Variants in AKAP10 observed in about 807,000 individuals in gnomAD.
The protein encoded by AKAP10 is A-kinase anchoring protein 10.
A neutral mutation model predicts 80.8 loss-of-function variants in AKAP10; 24 were observed. The observed-to-expected ratio is 0.30, with a 90% CI of 0.22 to 0.42. The LOEUF (loss-of-function observed/expected upper bound fraction) is 0.42. Ranked by LOEUF, AKAP10 falls within the 10% of genes least tolerant of loss-of-function variation. AKAP10 has a pLI of 1.00. For missense variants in AKAP10, 661 were observed against 794.9 expected (o/e 0.83, Z 2.03); for synonymous variants, 291 against 277.7 (o/e 1.05, Z -0.48).
intron 1 of AKAP10, among the ~76,000 whole-genome samples, chr17:19,973,268 A>G (rs1275933014): frequency 2.0e-5 from 3 of 152,162 alleles, no homozygotes; most frequent in African/African-American, 7.2e-5. Context: ...AAACTGGCCC[A>G]CTACCAGTTT....
In AKAP10 at chr17:19,940,878, A is replaced by G. The variant is rs2043044652; in HGVS notation, c.1185+9T>C. 1.3e-6 allele frequency: 2 copies of G among 1,589,778 alleles called. No individual in the cohort carries two copies. Among genetic ancestry groups the G allele is most frequent in the Non-Finnish European group, 1.7e-6 (2 of 1,172,356 alleles). On this transcript the variant is annotated intron_variant, in intron 7 of 14. Coordinates refer to ENST00000225737, the MANE Select transcript of AKAP10 (RefSeq NM_007202.4). ...TCGAATAGAGTGTGAAAAGAAATGC[A>G]GACTTTACCTCAGAGAAATAAAAGA...
chr17:19,933,814 A>G (rs1415080292), intron 9 of AKAP10, among the ~76,000 whole-genome samples: 7 of 152,198 alleles, frequency 4.6e-5, no homozygotes, highest in African/African-American at 1.4e-4. Flanking sequence ...CACATGACAC[A>G]TACAAGCAAC....
intron 4 of AKAP10, among the ~76,000 whole-genome samples, chr17:19,950,520 G>C (rs543291206): frequency 2.6e-4 from 40 of 152,330 alleles, no homozygotes; most frequent in African/African-American, 8.4e-4. Context: ...TGTGTTGGCC[G>C]GGCTGGTCTC....
intron 1 of AKAP10, among the ~76,000 whole-genome samples, chr17:19,974,227 T>A (rs2043536223): frequency 2.0e-5 from 3 of 151,988 alleles, no homozygotes. Flanking sequence ...AAATACTACT[T>A]CTTGAGAAAA....
intron 4 of AKAP10, among the ~76,000 whole-genome samples, chr17:19,957,413 G>C (rs908427207): frequency 1.3e-5 from 2 of 151,912 alleles, no homozygotes; most frequent in African/African-American, 4.8e-5. Flanking sequence ...GTGGTGGCAG[G>C]CGCCTGTAGT....
intron 10 of AKAP10, among the ~76,000 whole-genome samples, chr17:19,925,225 C>T (rs185591269): frequency 7.4e-4 from 113 of 152,144 alleles, no homozygotes; most frequent in African/African-American, 2.6e-3. Flanking sequence ...ACATTCTTAA[C>T]GACCTAAGTT....
intron 4 of AKAP10, among the ~76,000 whole-genome samples, chr17:19,951,442 T>C (rs1199900311): frequency 6.6e-6 from 1 of 152,242 alleles, no homozygotes; most frequent in Non-Finnish European, 1.5e-5. Context: ...ATGGCAGTTT[T>C]GTCGAATAGA....
At chr17:19,950,648 T>C (rs2043190971) in intron 4 of AKAP10, among the ~76,000 whole-genome samples, 1 of 152,230 alleles carries the variant, frequency 6.6e-6, no homozygotes, top group Non-Finnish European at 1.5e-5. Flanking sequence ...TGGCGTGATC[T>C]CAGCTCCCTA....
Position 19,958,382 on chromosome 17 carries a change from C to G in AKAP10, c.509G>C (p.Arg170Thr). ...CTTCACTGTGTTTAGACTGTGTGCT[C>G]TTATTCGCGACCAAGTTGTTGAATG... ...SFHSTTWSRI[R>T]AHSLNTVKQS... Residue 170 changes from arginine to threonine, a missense_variant, in exon 4 of 15, where the codon AGA becomes ACA. Arg to Thr is a moderately conservative substitution (Grantham distance 71, BLOSUM62 -1). Coordinates refer to ENST00000225737, the MANE Select transcript of AKAP10 (RefSeq NM_007202.4). 1 of 1,614,212 alleles carries G rather than the reference C, an allele frequency of 6.2e-7. No individual in the cohort carries two copies. The highest frequency in any genetic ancestry group is 8.5e-7 in the Non-Finnish European group (1 of 1,180,046).
At chr17:19,931,466 T>C (rs1004634373) in intron 10 of AKAP10, among the ~76,000 whole-genome samples, 2 of 151,332 alleles carry the variant, frequency 1.3e-5, no homozygotes, top group African/African-American at 4.9e-5. Flanking sequence ...TTTTGGTTCA[T>C]TGCAACCTCT....
Position 19,905,354 on chromosome 17 carries a change from A to G in AKAP10, c.*873T>C, listed in dbSNP as rs1339444292. ...CATCCTGCTCACCTTATTTAAAAAA[A>G]AAAAAAGTATAATTTGGGAAGAACT... On this transcript the variant is annotated 3_prime_UTR_variant, in exon 15 of 15. Transcript: ENST00000225737. 2 of 152,188 alleles carry G rather than the reference A, an allele frequency of 1.3e-5. No individual in the cohort carries two copies. The highest frequency in any genetic ancestry group is 4.8e-5 in the African/African-American group (2 of 41,446). The allele number at this position is 152,188 out of a possible 1,614,324, so 9.4% of individuals were successfully genotyped here.
intron 10 of AKAP10, among the ~76,000 whole-genome samples, chr17:19,926,858 C>T (rs1597496462): frequency 2.6e-5 from 4 of 152,282 alleles, no homozygotes; most frequent in African/African-American, 7.2e-5. Context: ...CAGTGGCTCA[C>T]GCCTGTAATC....
intron 12 of AKAP10, among the ~76,000 whole-genome samples, chr17:19,917,518 G>T (rs1274682184): frequency 1.3e-5 from 2 of 152,146 alleles, no homozygotes; most frequent in Non-Finnish European, 2.9e-5. Context: ...TACCTAGGTG[G>T]AAGTGCAATG....
At chr17:19,918,947 T>G (rs1176030696) in intron 12 of AKAP10, among the ~76,000 whole-genome samples, 1 of 152,216 alleles carries the variant, frequency 6.6e-6, no homozygotes, top group Non-Finnish European at 1.5e-5. Context: ...TTTATTATAC[T>G]TTAAGTTCTA....
At chr17:19,957,305 G>C (rs1443604018) in intron 4 of AKAP10, among the ~76,000 whole-genome samples, 1 of 152,112 alleles carries the variant, frequency 6.6e-6, no homozygotes, top group African/African-American at 2.4e-5. Flanking sequence ...ACTTTGGGAG[G>C]CCGAGGCAGG....
chr17:19,971,426 T>C (rs1032431034), intron 1 of AKAP10, among the ~76,000 whole-genome samples: 4 of 151,702 alleles, frequency 2.6e-5, no homozygotes, highest in African/African-American at 9.7e-5. Context: ...GGAGAATCAC[T>C]TTAACCCAGG....
intron 5 of AKAP10, among the ~76,000 whole-genome samples, chr17:19,946,286 T>A (rs2043129764): frequency 5.1e-5 from 3 of 58,790 alleles, no homozygotes; most frequent in Non-Finnish European, 1.1e-4. Flanking sequence ...TTTTTTTTTT[T>A]TTTTTTTTTT....
intron 14 of AKAP10, among the ~76,000 whole-genome samples, chr17:19,906,943 G>A (rs893712974): frequency 6.6e-5 from 10 of 152,264 alleles, no homozygotes; most frequent in African/African-American, 2.4e-4. Context: ...AGGAACTAAA[G>A]TAGTCACCTG....
chr17:19,970,906 A>C (rs1169706617), intron 1 of AKAP10, among the ~76,000 whole-genome samples: 7 of 151,764 alleles, frequency 4.6e-5, no homozygotes, highest in Non-Finnish European at 8.8e-5. Flanking sequence ...AATACTTTTT[A>C]TTTTTATTTT....
Sources: allele counts gnomAD v4.1 joint callset (sites outside exome capture counted in the v4.1 genomes callset), GRCh38; gene constraint gnomAD v4.1.1; transcripts MANE v1.5; gene names NCBI Gene and HGNC (gene_info 2026-07-23, HGNC 2026-07-21).